The following PRKAR1B variants were observed in gnomAD, a reference collection of about 807,000 sequenced individuals.
PRKAR1B encodes cAMP-dependent protein kinase type I-beta regulatory subunit.
Under a neutral mutation model 46.5 loss-of-function variants are expected in PRKAR1B, and 22 were observed. That is an observed-to-expected ratio of 0.47 (90% CI 0.34 to 0.68). The LOEUF is 0.68. Ranked by LOEUF, PRKAR1B falls within the 30% of genes least tolerant of loss-of-function variation. The pLI is 0.01. For missense variants in PRKAR1B, 445 were observed against 535.6 expected (o/e 0.83, Z 1.67); for synonymous variants, 259 against 217.7 (o/e 1.19, Z -1.67).
intron 4 of PRKAR1B, among the ~76,000 whole-genome samples, chr7:639,709 G>A (rs1945646936): frequency 6.6e-6 from 1 of 152,036 alleles, no homozygotes; most frequent in Admixed American, 6.6e-5. Flanking sequence ...AAATTAATTA[G>A]CCTGGCATGG....
chr7:678,009 G>A (rs1007902132), intron 3 of PRKAR1B, among the ~76,000 whole-genome samples: 3 of 152,092 alleles, frequency 2.0e-5, no homozygotes, highest in African/African-American at 7.2e-5. Context: ...GGTGGCTCAC[G>A]CCTGTAATCC....
chr7:621,825 G>A (rs184524951), intron 4 of PRKAR1B, among the ~76,000 whole-genome samples: 1 of 152,322 alleles, frequency 6.6e-6, no homozygotes, highest in Admixed American at 6.5e-5. Flanking sequence ...AAGCAGCAGG[G>A]AGGACTCAGT....
intron 7 of PRKAR1B, among the ~76,000 whole-genome samples, chr7:586,971 A>C (rs13221801): frequency 0.62 from 93,122 of 149,960 alleles, 29,479 homozygotes; most frequent in South Asian, 0.85. Context: ...GCAAGCTCCA[A>C]CTCCCGGGTT....
chr7:579,551 G>T (rs1780062841), intron 8 of PRKAR1B, among the ~76,000 whole-genome samples, 174 bp from the exon 9 acceptor site: 1 of 152,232 alleles, frequency 6.6e-6, no homozygotes, highest in Non-Finnish European at 1.5e-5. Context: ...CAGCACCTCT[G>T]TGCCAGGGGG....
At chr7:695,268 C>T (rs944383278) in intron 2 of PRKAR1B, among the ~76,000 whole-genome samples, 3 of 152,148 alleles carry the variant, frequency 2.0e-5, no homozygotes, top group African/African-American at 2.4e-5. Flanking sequence ...CTCTGCCAAC[C>T]GCAGCCCAGA....
intron 7 of PRKAR1B, among the ~76,000 whole-genome samples, chr7:587,746 G>A (rs903126787): frequency 8.5e-5 from 13 of 152,322 alleles, no homozygotes; most frequent in Admixed American, 8.5e-4. Context: ...CTGGGATGGA[G>A]CGGGACTCCA....
rs190190409 is a variant in PRKAR1B, at chr7:615,094, A to G, written c.441-7642T>C. ...CCTGTCTCTAAAAACAGAAAGAAGG[A>G]GAGAGAGAGAGGCAGAAAGAAAGAG... On this transcript the variant is annotated intron_variant, in intron 4 of 10. Transcript: ENST00000537384. Among the ~76,000 whole-genome samples the G allele has an allele frequency of 2.0e-4, 31 of 151,480 alleles. No individual in the cohort carries two copies. The East Asian group carries it at 6.1e-3, about 30-fold the overall frequency.
intron 9 of PRKAR1B, among the ~76,000 whole-genome samples, chr7:557,770 G>A (rs746469640): frequency 2.6e-5 from 4 of 152,138 alleles, no homozygotes; most frequent in Non-Finnish European, 4.4e-5. Context: ...AGACTGCCAC[G>A]AGGCAGCACA....
chr7:604,746 G>T (rs1013836685), intron 6 of PRKAR1B, among the ~76,000 whole-genome samples: 1 of 152,212 alleles, frequency 6.6e-6, no homozygotes. Context: ...CGGGACAGAG[G>T]CACAGCCACC....
intron 4 of PRKAR1B, among the ~76,000 whole-genome samples, chr7:657,149 A>G (rs939409995): frequency 6.6e-6 from 1 of 152,028 alleles, no homozygotes. Flanking sequence ...GAATGAATGA[A>G]TGAGTGAACA....
At chr7:551,721 C>A (rs1328100115) in intron 9 of PRKAR1B, among the ~76,000 whole-genome samples, 1 of 144,258 alleles carries the variant, frequency 6.9e-6, no homozygotes, top group African/African-American at 2.6e-5. Flanking sequence ...TTCTCCAGAG[C>A]CACTGCCACC....
At chr7:557,162 C>A (rs1778499556) in intron 9 of PRKAR1B, among the ~76,000 whole-genome samples, 1 of 152,218 alleles carries the variant, frequency 6.6e-6, no homozygotes, top group Non-Finnish European at 1.5e-5. Flanking sequence ...CCTCCTCCTG[C>A]CCTCCCATCT....
intron 6 of PRKAR1B, among the ~76,000 whole-genome samples, chr7:601,182 C>T (rs1781570853): frequency 1.3e-5 from 2 of 152,358 alleles, no homozygotes; most frequent in Middle Eastern, 6.8e-3. Flanking sequence ...CGGCAAACGG[C>T]CGTCCCTTCC....
At chr7:552,070 A>G (rs10274829) in intron 9 of PRKAR1B, among the ~76,000 whole-genome samples, 33 of 2,480 alleles carry the variant, frequency 0.013, no homozygotes, top group Non-Finnish European at 0.017. Context: ...CCCACCTCCC[A>G]CCCAGGTCCT....
At chr7:597,578 AC>A (rs1299443273) in intron 6 of PRKAR1B, among the ~76,000 whole-genome samples, 2 of 152,156 alleles carry the variant, frequency 1.3e-5, no homozygotes. Flanking sequence ...GCCAGAGAGT[AC>A]CCACCCGCGC....
At chr7:692,476 G>C (rs1220933734) in intron 2 of PRKAR1B, among the ~76,000 whole-genome samples, 1 of 152,084 alleles carries the variant, frequency 6.6e-6, no homozygotes, top group Non-Finnish European at 1.5e-5. Context: ...GAGAAGAGAA[G>C]AGAGAGAAGG....
At chr7:572,700 G>A (rs746996880) in intron 9 of PRKAR1B, among the ~76,000 whole-genome samples, 4 of 152,228 alleles carry the variant, frequency 2.6e-5, no homozygotes, top group Admixed American at 6.5e-5. Flanking sequence ...CCTCACTGGC[G>A]TCCACCCTGG....
At chr7:680,888 C>A (rs980725700) in intron 2 of PRKAR1B, among the ~76,000 whole-genome samples, 162 bp from the exon 3 acceptor site, 3 of 152,228 alleles carry the variant, frequency 2.0e-5, no homozygotes, top group Non-Finnish European at 4.4e-5. Flanking sequence ...CCACCCAAAT[C>A]TCTTTTTCTG....
chr7:556,512 G>T (rs939650901), intron 9 of PRKAR1B, among the ~76,000 whole-genome samples: 1 of 152,204 alleles, frequency 6.6e-6, no homozygotes, highest in Non-Finnish European at 1.5e-5. Context: ...ACAGTCTTCC[G>T]CACGGAGTCA....
Sources: gnomAD v4.1 joint callset for allele counts (sites outside exome capture counted in the v4.1 genomes callset) on GRCh38, gnomAD v4.1.1 for gene constraint, MANE v1.5 for transcripts, NCBI Gene and HGNC (gene_info 2026-07-23, HGNC 2026-07-21) for gene names.